The following GRIN2A variants were observed in gnomAD, a reference collection of about 807,000 sequenced individuals.
GRIN2A encodes glutamate ionotropic receptor NMDA type subunit 2A, also known as glutamate receptor ionotropic, NMDA 2A.
Under a neutral mutation model 113.4 loss-of-function variants are expected in GRIN2A, and 22 were observed. That is an observed-to-expected ratio of 0.19 (90% confidence interval 0.14 to 0.28). The LOEUF is 0.28. Ranked by LOEUF, GRIN2A falls within the 10% of genes least tolerant of loss-of-function variation. The pLI, the probability that GRIN2A is intolerant of heterozygous loss-of-function variation, is 1.00. For synonymous variants in GRIN2A, 827 were observed against 738.4 expected, an observed-to-expected ratio of 1.12 and a Z score of -1.94; for missense variants, 1,502 against 1,887.0, an observed-to-expected ratio of 0.80 and a Z score of 3.78.
chr16:10,068,473 G>T (rs1452536431), intron 2 of GRIN2A, among the ~76,000 whole-genome samples: 1 of 152,174 alleles, frequency 6.6e-6, no homozygotes, highest in East Asian at 1.9e-4. Context: ...TAAGTCTTGG[G>T]GGGAAGTGCT....
At chr16:10,079,204 GA>G (rs1193152180) in intron 2 of GRIN2A, among the ~76,000 whole-genome samples, 3 of 152,342 alleles carry the variant, frequency 2.0e-5, no homozygotes, top group South Asian at 4.1e-4. Context: ...GACTGGAGGA[GA>G]GGGGCATATG....
intron 3 of GRIN2A, among the ~76,000 whole-genome samples, chr16:9,901,374 A>G (rs2043920950): frequency 6.6e-6 from 1 of 152,210 alleles, no homozygotes; most frequent in Non-Finnish European, 1.5e-5. Context: ...CGGGGGTGAT[A>G]TGCCAATGGG....
At position 9,760,059 on chromosome 16, in the gene GRIN2A, A is replaced by G. The variant is rs1900511824; in HGVS notation, c.*3090T>C. 1 of 228,846 alleles carries G rather than the reference A, an allele frequency of 4.4e-6. No individual in the cohort carries two copies. The highest frequency in any genetic ancestry group is 2.2e-5 in the African/African-American group (1 of 45,114). 14.2% of individuals were successfully genotyped at this position (228,846 alleles called of 1,614,324 possible). A position where few individuals can be genotyped will look rare whatever the true frequency, so the allele number is the denominator to read the frequency against. ...GGGAAAACCAATTAGAATTAACAAA[A>G]TATCATTATGGATGCCAGCTCTGAC... On this transcript the variant is annotated 3_prime_UTR_variant, in exon 13 of 13. Coordinates refer to ENST00000330684, the MANE Select transcript of GRIN2A (RefSeq NM_001134407.3).
chr16:9,860,890 A>G (rs1179896125), intron 4 of GRIN2A, among the ~76,000 whole-genome samples: 1 of 152,220 alleles, frequency 6.6e-6, no homozygotes, highest in African/African-American at 2.4e-5. Flanking sequence ...CTCACCCACA[A>G]TGCAGTTCAA....
chr16:9,946,652 G>A (rs1402593452), intron 2 of GRIN2A, among the ~76,000 whole-genome samples: 3 of 152,204 alleles, frequency 2.0e-5, no homozygotes, highest in Non-Finnish European at 4.4e-5. Context: ...CATAGTGCCA[G>A]TAATTAATTC....
intron 4 of GRIN2A, among the ~76,000 whole-genome samples, chr16:9,866,794 GC>G: frequency 6.6e-6 from 1 of 152,094 alleles, no homozygotes; most frequent in East Asian, 1.9e-4. Context: ...GTCCACTGTA[GC>G]CACCCATTCC....
intron 2 of GRIN2A, among the ~76,000 whole-genome samples, chr16:10,014,694 T>A (rs1268630213): frequency 6.6e-6 from 1 of 152,144 alleles, no homozygotes; most frequent in African/African-American, 2.4e-5. Flanking sequence ...AAAGGGAAAC[T>A]CATTACCAAG....
chr16:9,978,310 C>T lies in GRIN2A; in HGVS notation c.415-39759G>A, dbSNP rs148087529. Reference sequence around the variant, plus strand: ...TTACAGGGACCTGGCTCAGCCTCTTCCTATCTGTGTGAACTTGGGCAAGTC... The same window carrying T: ...TTACAGGGACCTGGCTCAGCCTCTTTCTATCTGTGTGAACTTGGGCAAGTC... On this transcript the variant is annotated intron_variant, in intron 2 of 12. Coordinates refer to ENST00000330684, the MANE Select transcript of GRIN2A (RefSeq NM_001134407.3). 4.6e-3 allele frequency among the ~76,000 whole-genome samples: 700 copies of T among 152,184 alleles called. 5 individuals are homozygous for T. Among genetic ancestry groups the T allele is most frequent in the African/African-American group, 0.016 (661 of 41,514 alleles).
At chr16:10,032,328 T>C (rs1005279482) in intron 2 of GRIN2A, among the ~76,000 whole-genome samples, 2 of 152,220 alleles carry the variant, frequency 1.3e-5, no homozygotes, top group African/African-American at 2.4e-5. Flanking sequence ...TAAACAACAA[T>C]TGGCGCACAC....
intron 3 of GRIN2A, among the ~76,000 whole-genome samples, chr16:9,913,435 C>T (rs983697034): frequency 2.0e-5 from 3 of 152,148 alleles, no homozygotes; most frequent in East Asian, 1.9e-4. Flanking sequence ...TTTGCTACAA[C>T]GCATTGTGCA....
At chr16:10,073,721 T>C (rs1480115721) in intron 2 of GRIN2A, among the ~76,000 whole-genome samples, 1 of 150,070 alleles carries the variant, frequency 6.7e-6, no homozygotes, top group Non-Finnish European at 1.5e-5. Flanking sequence ...CTGGCCAACA[T>C]GGTGAAACCG....
intron 2 of GRIN2A, among the ~76,000 whole-genome samples, chr16:10,141,492 A>C (rs2049325840): frequency 6.6e-6 from 1 of 152,158 alleles, no homozygotes; most frequent in African/African-American, 2.4e-5. Flanking sequence ...CATCTAAAAA[A>C]ATGAAATAAA....
At chr16:9,899,858 C>T (rs1270164702) in intron 3 of GRIN2A, among the ~76,000 whole-genome samples, 1 of 152,168 alleles carries the variant, frequency 6.6e-6, no homozygotes, top group East Asian at 1.9e-4. Context: ...GATTCCAGTA[C>T]AACAACTGCC....
At chr16:10,034,443 T>C (rs2046986240) in intron 2 of GRIN2A, among the ~76,000 whole-genome samples, 1 of 148,608 alleles carries the variant, frequency 6.7e-6, no homozygotes, top group African/African-American at 2.5e-5. Context: ...GAGAAGTGCT[T>C]GAACCCAGGA....
At chr16:10,118,698 C>A (rs1466899524) in intron 2 of GRIN2A, among the ~76,000 whole-genome samples, 4 of 152,156 alleles carry the variant, frequency 2.6e-5, no homozygotes, top group African/African-American at 7.2e-5. Flanking sequence ...TTAAACTGTG[C>A]AGAAAGAGAA....
intron 2 of GRIN2A, among the ~76,000 whole-genome samples, chr16:10,124,171 G>A (rs954165766): frequency 4.6e-5 from 7 of 152,280 alleles, no homozygotes; most frequent in South Asian, 4.1e-4. Flanking sequence ...GAGAAGGGCC[G>A]TGTGCGTGCC....
chr16:9,946,560 G>A (rs965167704), intron 2 of GRIN2A, among the ~76,000 whole-genome samples: 1 of 152,062 alleles, frequency 6.6e-6, no homozygotes, highest in Non-Finnish European at 1.5e-5. Flanking sequence ...TGACCACTGA[G>A]CATCTGTTCT....
intron 2 of GRIN2A, among the ~76,000 whole-genome samples, chr16:9,957,774 G>A (rs538529744): frequency 2.0e-5 from 3 of 152,146 alleles, no homozygotes; most frequent in Non-Finnish European, 4.4e-5. Flanking sequence ...TGAAGGGCTT[G>A]GTTTCTCGCA....
chr16:10,080,677 T>C (rs189953955), intron 2 of GRIN2A, among the ~76,000 whole-genome samples: 3 of 152,134 alleles, frequency 2.0e-5, no homozygotes, highest in Admixed American at 6.5e-5. Flanking sequence ...AGCGATGGAG[T>C]ACAGATGAGC....
Sources: gnomAD v4.1 joint callset for allele counts (sites outside exome capture counted in the v4.1 genomes callset) on GRCh38, gnomAD v4.1.1 for gene constraint, MANE v1.5 for transcripts, NCBI Gene and HGNC (gene_info 2026-07-23, HGNC 2026-07-21) for gene names.